The following NXPH1 variants were observed in gnomAD, a reference collection of about 807,000 sequenced individuals.
NXPH1 encodes the protein neurexophilin 1, also known as neurexophilin-1.
A neutral mutation model predicts 23.7 loss-of-function variants in NXPH1; 5 were observed. The observed-to-expected ratio is 0.21, with a 90% CI of 0.11 to 0.44. NXPH1 has a LOEUF of 0.44. NXPH1 is among the 20% of genes least tolerant of loss of function. The pLI is 0.99. For missense variants in NXPH1, 324 were observed against 321.6 expected (o/e 1.01, Z -0.06); for synonymous variants, 144 against 122.2 (o/e 1.18, Z -1.18).
At chr7:8,502,760 T>G (rs1817457232) in intron 2 of NXPH1, among the ~76,000 whole-genome samples, 1 of 150,274 alleles carries the variant, frequency 6.7e-6, no homozygotes, top group African/African-American at 2.5e-5. Context: ...CACTAGATGG[T>G]AGAGGAGACA....
At chr7:8,567,352 T>G (rs1486577241) in intron 2 of NXPH1, among the ~76,000 whole-genome samples, 1 of 151,878 alleles carries the variant, frequency 6.6e-6, no homozygotes, top group Non-Finnish European at 1.5e-5. Context: ...TCTGCAGGGG[T>G]CTTATAGTAA....
At chr7:8,685,362 C>T (rs756737764) in intron 2 of NXPH1, among the ~76,000 whole-genome samples, 1 of 150,782 alleles carries the variant, frequency 6.6e-6, no homozygotes, top group Non-Finnish European at 1.5e-5. Context: ...TGATTTTTAT[C>T]TTTCTGTGCC....
intron 2 of NXPH1, among the ~76,000 whole-genome samples, chr7:8,703,934 A>C (rs1779665635): frequency 6.6e-6 from 1 of 152,144 alleles, no homozygotes; most frequent in African/African-American, 2.4e-5. Context: ...ACCCAGAACT[A>C]GAATCAGATA....
intron 2 of NXPH1, among the ~76,000 whole-genome samples, chr7:8,473,204 G>T (rs1323919607): frequency 3.3e-5 from 5 of 152,118 alleles, no homozygotes; most frequent in Non-Finnish European, 7.4e-5. Flanking sequence ...AATGGCCATT[G>T]TCAAGTGCCT....
At chr7:8,569,358 G>A (rs1818606002) in intron 2 of NXPH1, among the ~76,000 whole-genome samples, 1 of 151,758 alleles carries the variant, frequency 6.6e-6, no homozygotes, top group African/African-American at 2.4e-5. Flanking sequence ...ATTCAAATAT[G>A]ACTATAAAAG....
At chr7:8,538,042 T>A (rs1247023170) in intron 2 of NXPH1, among the ~76,000 whole-genome samples, 1 of 151,934 alleles carries the variant, frequency 6.6e-6, no homozygotes, top group African/African-American at 2.4e-5. Flanking sequence ...TGATTGCTTC[T>A]CATCCTTTGG....
At chr7:8,740,335 T>C (rs1292272436) in intron 2 of NXPH1, among the ~76,000 whole-genome samples, 1 of 152,234 alleles carries the variant, frequency 6.6e-6, no homozygotes, top group African/African-American at 2.4e-5. Flanking sequence ...TAGCTTGCCA[T>C]TGTTTGGATG....
At chr7:8,561,540 GA>G (rs1818446455) in intron 2 of NXPH1, among the ~76,000 whole-genome samples, 1 of 151,642 alleles carries the variant, frequency 6.6e-6, no homozygotes, top group South Asian at 2.1e-4. Flanking sequence ...GCCCAAGGGT[GA>G]AAACAAATGA....
rs1376868557 is a variant in NXPH1, at chr7:8,710,640, G to GGTTTTTTTTTTTTTTTTTT, written c.55-40368_55-40367insGTTTTTTTTTTTTTTTTTT. On this transcript the variant is annotated intron_variant, in intron 2 of 2. Coordinates refer to ENST00000405863, the MANE Select transcript of NXPH1 (RefSeq NM_152745.3). ...TTGAACAAAGCATGTCAACTGTTAC[G>GGTTTTTTTTTTTTTTTTTT]TTTTTTGTTTTTTTTTTTTTTTTTT... Among the ~76,000 whole-genome samples the GGTTTTTTTTTTTTTTTTTT allele has an allele frequency of 6.1e-4, 17 of 27,672 alleles. 8 individuals carry two copies. The highest frequency in any genetic ancestry group is 5.5e-4 in the Non-Finnish European group (9 of 16,372). The allele number at this position is 27,672 out of a possible 152,430, so 18.2% of individuals were successfully genotyped here. A position where few individuals can be genotyped will look rare whatever the true frequency, so the allele number is the denominator to read the frequency against.
At chr7:8,482,293 A>G (rs955169661) in intron 2 of NXPH1, among the ~76,000 whole-genome samples, 6 of 152,314 alleles carry the variant, frequency 3.9e-5, no homozygotes, top group African/African-American at 1.2e-4. Flanking sequence ...ATTGTGCCTC[A>G]GTGAATGAAA....
chr7:8,491,805 C>T (rs1022653663), intron 2 of NXPH1, among the ~76,000 whole-genome samples: 7 of 152,062 alleles, frequency 4.6e-5, no homozygotes, highest in Non-Finnish European at 1.0e-4. Context: ...ATGAATTGAT[C>T]ACATTCAGCA....
At chr7:8,480,225 G>A (rs570873950) in intron 2 of NXPH1, among the ~76,000 whole-genome samples, 7 of 152,026 alleles carry the variant, frequency 4.6e-5, no homozygotes, top group Non-Finnish European at 8.8e-5. Context: ...TATTTTCTGT[G>A]TGGTTTTCTG....
At chr7:8,619,493 T>C (rs1583197660) in intron 2 of NXPH1, among the ~76,000 whole-genome samples, 2 of 152,224 alleles carry the variant, frequency 1.3e-5, no homozygotes, top group African/African-American at 4.8e-5. Context: ...TTTAAAGTAA[T>C]GGGATCAATA....
At chr7:8,586,920 A>G (rs867326037) in intron 2 of NXPH1, among the ~76,000 whole-genome samples, 1 of 152,130 alleles carries the variant, frequency 6.6e-6, no homozygotes, top group Non-Finnish European at 1.5e-5. Context: ...AGAAAAGACT[A>G]TTGTTGACAT....
At chr7:8,658,742 G>A (rs1210933364) in intron 2 of NXPH1, among the ~76,000 whole-genome samples, 5 of 151,956 alleles carry the variant, frequency 3.3e-5, no homozygotes, top group Admixed American at 3.3e-4. Context: ...TCTTTTGGTT[G>A]CTTACACTCT....
At chr7:8,502,771 T>A (rs1413539504) in intron 2 of NXPH1, among the ~76,000 whole-genome samples, 1 of 151,300 alleles carries the variant, frequency 6.6e-6, no homozygotes, top group East Asian at 2.0e-4. Flanking sequence ...AGAGGAGACA[T>A]CAAAGTACCT....
intron 2 of NXPH1, among the ~76,000 whole-genome samples, chr7:8,571,263 G>A (rs1818641721): frequency 6.6e-6 from 1 of 151,786 alleles, no homozygotes; most frequent in Admixed American, 6.6e-5. Context: ...AGGGTGTGAG[G>A]ACCACTCCCA....
chr7:8,440,810 A>G (rs1406041368), intron 2 of NXPH1, among the ~76,000 whole-genome samples: 1 of 152,176 alleles, frequency 6.6e-6, no homozygotes, highest in Non-Finnish European at 1.5e-5. Flanking sequence ...TCGCATTGGC[A>G]AAGAGATGCC....
At chr7:8,730,299 G>T (rs1450405429) in intron 2 of NXPH1, among the ~76,000 whole-genome samples, 11 of 149,202 alleles carry the variant, frequency 7.4e-5, no homozygotes, top group African/African-American at 2.5e-4. Flanking sequence ...TATCCAATTT[G>T]CCAGTCTGTG....
Sources: gnomAD v4.1 joint callset for allele counts (sites outside exome capture counted in the v4.1 genomes callset) on GRCh38, gnomAD v4.1.1 for gene constraint, MANE v1.5 for transcripts, NCBI Gene and HGNC (gene_info 2026-07-23, HGNC 2026-07-21) for gene names.